PDE4D: variants seen among roughly 807,000 people sequenced by gnomAD.
The protein encoded by PDE4D is 3',5'-cyclic-AMP phosphodiesterase 4D.
In PDE4D, 24 loss-of-function variants were observed where a neutral mutation model predicts 87.4. That is an observed-to-expected ratio of 0.27 (90% confidence interval 0.20 to 0.39). The LOEUF (loss-of-function observed/expected upper bound fraction) is 0.39, where lower values mean the gene tolerates loss of function less well. PDE4D is among the 10% of genes least tolerant of loss of function. PDE4D has a pLI of 1.00. For missense variants in PDE4D, 714 were observed against 1,041.0 expected, an observed-to-expected ratio of 0.69 and a Z score of 4.32; for synonymous variants, 384 against 383.2, an observed-to-expected ratio of 1.00 and a Z score of -0.02.
chr5:59,805,872 T>C (rs1018091441), intron 1 of PDE4D, among the ~76,000 whole-genome samples: 2 of 152,142 alleles, frequency 1.3e-5, no homozygotes, highest in Non-Finnish European at 2.9e-5. Context: ...AACTGTTGGG[T>C]GGCCTGTGCC....
chr5:60,122,409 A>G (rs1172756142), intron 2 of PDE4D, among the ~76,000 whole-genome samples: 2 of 152,154 alleles, frequency 1.3e-5, no homozygotes, highest in Admixed American at 1.3e-4. Context: ...ATTTCCATAC[A>G]TCTTCTGAAA....
intron 6 of PDE4D, among the ~76,000 whole-genome samples, chr5:59,035,317 A>G (rs1488852627): frequency 1.3e-5 from 2 of 152,222 alleles, no homozygotes; most frequent in East Asian, 1.9e-4. Flanking sequence ...AAAAGCCTAA[A>G]CTTCTAATTA....
intron 1 of PDE4D, among the ~76,000 whole-genome samples, chr5:59,775,406 G>A (rs1001508646): frequency 1.3e-5 from 2 of 152,012 alleles, no homozygotes; most frequent in Non-Finnish European, 2.9e-5. Flanking sequence ...AGTGCACTAA[G>A]CATAAGCACT....
intron 5 of PDE4D, among the ~76,000 whole-genome samples, chr5:59,171,246 A>G (rs1255138600): frequency 1.3e-5 from 2 of 152,018 alleles, no homozygotes; most frequent in Non-Finnish European, 2.9e-5. Flanking sequence ...AGTCCCTTCA[A>G]TCCTATCTCT....
intron 1 of PDE4D, among the ~76,000 whole-genome samples, chr5:59,235,035 C>T (rs1185256175): frequency 6.6e-6 from 1 of 152,062 alleles, no homozygotes. Flanking sequence ...TTAAATTTGA[C>T]AAGAGGAAAA....
chr5:59,304,491 C>A (rs1206498369), intron 1 of PDE4D, among the ~76,000 whole-genome samples: 1 of 152,068 alleles, frequency 6.6e-6, no homozygotes, highest in East Asian at 1.9e-4. Context: ...AGAGGGAATT[C>A]TTTCAACTTT....
At chr5:60,086,577 T>C (rs949066340) in intron 2 of PDE4D, among the ~76,000 whole-genome samples, 6 of 152,260 alleles carry the variant, frequency 3.9e-5, no homozygotes, top group Admixed American at 1.3e-4. Context: ...AGAAAACTCA[T>C]CACAATTATA....
chr5:60,282,305 A>T (rs1433427394), intron 1 of PDE4D, among the ~76,000 whole-genome samples: 1 of 151,150 alleles, frequency 6.6e-6, no homozygotes, highest in Non-Finnish European at 1.5e-5. Context: ...CGGTAAAAAA[A>T]AATCTGGAAT....
intron 1 of PDE4D, among the ~76,000 whole-genome samples, chr5:60,391,492 TTC>T (rs1444721687): frequency 2.0e-5 from 3 of 152,172 alleles, no homozygotes; most frequent in African/African-American, 7.2e-5. Context: ...CTAGGGGAAA[TTC>T]TCTTTCCTCG....
intron 4 of PDE4D, among the ~76,000 whole-genome samples, chr5:59,182,526 C>T (rs1284184516): frequency 6.6e-6 from 1 of 151,846 alleles, no homozygotes; most frequent in Non-Finnish European, 1.5e-5. Context: ...TAATTGATAT[C>T]CTGATTACTC....
At chr5:59,692,965 G>A (rs1394821823) in intron 1 of PDE4D, among the ~76,000 whole-genome samples, 1 of 152,124 alleles carries the variant, frequency 6.6e-6, no homozygotes, top group Non-Finnish European at 1.5e-5. Context: ...CAAATAAGAA[G>A]TTGTTTGCTA....
chr5:59,330,982 G>A (rs148835982), intron 1 of PDE4D, among the ~76,000 whole-genome samples: 50 of 152,102 alleles, frequency 3.3e-4, no homozygotes, highest in African/African-American at 1.1e-3. Flanking sequence ...TTCATCAACC[G>A]CCTGTCCTTC....
chr5:58,988,596 G>T lies in PDE4D; in HGVS notation c.1453-4C>A, dbSNP rs559360374. The T allele has an allele frequency of 2.1e-6, 3 of 1,422,070 alleles. No individual in the cohort carries two copies. The East Asian group carries it at 7.6e-5, about 36-fold the overall frequency. 88.1% of individuals were successfully genotyped at this position (1,422,070 alleles called of 1,614,324 possible). ...TCTCCAAATCTGTAAACACAGCCTG[G>T]AAAATCAGACAATATAGATAATATT... is the stretch of plus-strand genomic sequence containing the variant. On this transcript the variant is annotated splice_region_variant and splice_polypyrimidine_tract_variant and intron_variant, in intron 10 of 14. Transcript: ENST00000340635.
At chr5:60,127,519 A>G (rs1449990274) in intron 2 of PDE4D, 4 of 426,602 alleles carry the variant, frequency 9.4e-6, no homozygotes, top group Non-Finnish European at 1.2e-5. Flanking sequence ...AGATGAAGAG[A>G]GAGGGATAGA....
chr5:59,048,510 G>A (rs913551917), intron 5 of PDE4D, among the ~76,000 whole-genome samples: 1 of 152,166 alleles, frequency 6.6e-6, no homozygotes, highest in Non-Finnish European at 1.5e-5. Flanking sequence ...TGGGTTAGGT[G>A]TTGGTTTTAA....
intron 3 of PDE4D, among the ~76,000 whole-genome samples, chr5:59,185,544 T>G (rs1037368023): frequency 2.6e-5 from 4 of 152,124 alleles, no homozygotes; most frequent in Non-Finnish European, 5.9e-5. Flanking sequence ...AAGACAATAT[T>G]CCAGGCAATA....
intron 1 of PDE4D, among the ~76,000 whole-genome samples, chr5:59,778,555 G>A (rs1020077802): frequency 6.9e-6 from 1 of 144,818 alleles, no homozygotes; most frequent in African/African-American, 2.6e-5. Context: ...TATAAACATT[G>A]CATAAGCCAA....
chr5:59,845,419 T>C (rs1468390226), intron 1 of PDE4D, among the ~76,000 whole-genome samples: 2 of 152,064 alleles, frequency 1.3e-5, no homozygotes, highest in African/African-American at 4.8e-5. Flanking sequence ...CAATCACAGA[T>C]AGAATGGCAG....
intron 2 of PDE4D, among the ~76,000 whole-genome samples, chr5:60,059,592 A>G (rs1472788581): frequency 6.6e-6 from 1 of 152,034 alleles, no homozygotes; most frequent in Non-Finnish European, 1.5e-5. Flanking sequence ...AGGGATATAA[A>G]TATGACAGAC....
Sources: allele counts gnomAD v4.1 joint callset (sites outside exome capture counted in the v4.1 genomes callset), GRCh38; gene constraint gnomAD v4.1.1; transcripts MANE v1.5; gene names NCBI Gene and HGNC (gene_info 2026-07-23, HGNC 2026-07-21).